Variants in RNGTT observed in about 807,000 individuals in gnomAD.
RNGTT encodes the protein RNA guanylyltransferase and 5'-phosphatase.
A neutral mutation model predicts 79.3 loss-of-function variants in RNGTT; 33 were observed. The ratio of observed to expected loss-of-function variants is 0.42; its 90% CI spans 0.32 to 0.56. The LOEUF is 0.56. RNGTT is among the 20% of genes least tolerant of loss of function. RNGTT has a pLI of 0.17. For missense variants in RNGTT, 497 were observed against 739.1 expected (o/e 0.67, Z 3.80); for synonymous variants, 222 against 235.9 (o/e 0.94, Z 0.54).
intron 14 of RNGTT, among the ~76,000 whole-genome samples, chr6:88,667,254 T>G (rs1306587964): frequency 6.6e-6 from 1 of 152,110 alleles, no homozygotes; most frequent in Non-Finnish European, 1.5e-5. Flanking sequence ...GAAGGATGGA[T>G]CTGGTTACCA....
At chr6:88,721,445 C>CCT (rs34721660) in intron 13 of RNGTT, among the ~76,000 whole-genome samples, 40,693 of 151,848 alleles carry the variant, frequency 0.27, 9,546 homozygotes, top group African/African-American at 0.64. Flanking sequence ...CCAAATTCAT[C>CCT]CTCTTTTTTT....
chr6:88,830,110 C>G (rs1780804828), intron 11 of RNGTT, among the ~76,000 whole-genome samples: 1 of 152,174 alleles, frequency 6.6e-6, no homozygotes, highest in South Asian at 2.1e-4. Flanking sequence ...CACCACATCA[C>G]ACTTATTCTA....
At chr6:88,668,456 T>C (rs181930054) in intron 14 of RNGTT, among the ~76,000 whole-genome samples, 94 of 152,324 alleles carry the variant, frequency 6.2e-4, no homozygotes, top group African/African-American at 2.2e-3. Flanking sequence ...TTTGGACTTG[T>C]TCAATAAGAA....
intron 10 of RNGTT, among the ~76,000 whole-genome samples, chr6:88,847,123 C>T (rs192638994): frequency 7.9e-5 from 12 of 151,978 alleles, no homozygotes; most frequent in African/African-American, 2.2e-4. Context: ...CAAAATGTTA[C>T]GTTTTTAATG....
chr6:88,923,668 C>T (rs529569982), intron 4 of RNGTT, among the ~76,000 whole-genome samples: 14 of 152,236 alleles, frequency 9.2e-5, no homozygotes, highest in Non-Finnish European at 1.0e-4. Context: ...GACACAAACA[C>T]AAGGCCACTT....
chr6:88,721,347 T>A (rs1373798534), intron 13 of RNGTT, among the ~76,000 whole-genome samples: 3 of 152,122 alleles, frequency 2.0e-5, no homozygotes, highest in Non-Finnish European at 2.9e-5. Flanking sequence ...TGGTTGATGA[T>A]CCCAGCCTCT....
intron 6 of RNGTT, among the ~76,000 whole-genome samples, chr6:88,903,861 A>G (rs1783555384): frequency 6.6e-6 from 1 of 152,220 alleles, no homozygotes; most frequent in South Asian, 2.1e-4. Context: ...GTGTACAAGT[A>G]CAACCAATAC....
intron 12 of RNGTT, among the ~76,000 whole-genome samples, chr6:88,796,535 C>T (rs1439486932): frequency 1.3e-5 from 2 of 152,162 alleles, no homozygotes; most frequent in Non-Finnish European, 2.9e-5. Flanking sequence ...ACAGACTTCA[C>T]TGATTGTTTG....
At chr6:88,890,703 A>G in intron 7 of RNGTT, 107 bp from the exon 8 acceptor site, 1 of 606,590 alleles carries the variant, frequency 1.6e-6, no homozygotes, top group Admixed American at 3.4e-5. Flanking sequence ...TGTTCTCCCT[A>G]TGATGAGATT....
chr6:88,822,408 T>C (rs1321154531), intron 11 of RNGTT, among the ~76,000 whole-genome samples: 4 of 152,196 alleles, frequency 2.6e-5, no homozygotes, highest in African/African-American at 4.8e-5. Flanking sequence ...TTAACAAAGG[T>C]GACGCATAAA....
chr6:88,926,520 C>T (rs1410119869), intron 4 of RNGTT, among the ~76,000 whole-genome samples: 2 of 152,156 alleles, frequency 1.3e-5, no homozygotes, highest in Non-Finnish European at 2.9e-5. Flanking sequence ...AAACAAGTAA[C>T]GTCTCTCCAT....
At chr6:88,859,421 A>G (rs1037532967) in intron 8 of RNGTT, among the ~76,000 whole-genome samples, 2 of 152,188 alleles carry the variant, frequency 1.3e-5, no homozygotes, top group African/African-American at 4.8e-5. Context: ...AACAAAATGA[A>G]AGAGGTCTGT....
At chr6:88,794,515 G>A (rs187485126) in intron 12 of RNGTT, among the ~76,000 whole-genome samples, 2 of 152,270 alleles carry the variant, frequency 1.3e-5, no homozygotes, top group African/African-American at 4.8e-5. Flanking sequence ...TGGGCTAAAC[G>A]CTATCCTAGA....
At chr6:88,918,657 G>C (rs529957371) in intron 4 of RNGTT, among the ~76,000 whole-genome samples, 1 of 152,210 alleles carries the variant, frequency 6.6e-6, no homozygotes, top group South Asian at 2.1e-4. Flanking sequence ...GAAATAAATA[G>C]CTATGACCAA....
chr6:88,769,496 T>C (rs749740695), intron 13 of RNGTT, among the ~76,000 whole-genome samples: 4 of 151,928 alleles, frequency 2.6e-5, no homozygotes, highest in African/African-American at 9.7e-5. Context: ...ACCTTTTATA[T>C]TGTTGTTATT....
At chr6:88,706,552 C>A (rs1043046817) in intron 13 of RNGTT, among the ~76,000 whole-genome samples, 1 of 151,956 alleles carries the variant, frequency 6.6e-6, no homozygotes, top group African/African-American at 2.4e-5. Context: ...GGGTTCCAAG[C>A]AGCAATCTGA....
intron 8 of RNGTT, among the ~76,000 whole-genome samples, chr6:88,866,833 T>C (rs1782182413): frequency 1.3e-5 from 2 of 152,218 alleles, no homozygotes; most frequent in Non-Finnish European, 2.9e-5. Context: ...GTTTTAAGTA[T>C]TTCCTTATGC....
chr6:88,943,401 G>A (rs958520274), intron 1 of RNGTT, among the ~76,000 whole-genome samples: 5 of 152,020 alleles, frequency 3.3e-5, no homozygotes, highest in East Asian at 1.9e-4. Context: ...AGCAAATCCC[G>A]TAGCTCCACC....
intron 13 of RNGTT, among the ~76,000 whole-genome samples, chr6:88,753,245 G>A (rs1357170914): frequency 3.3e-5 from 5 of 152,106 alleles, no homozygotes; most frequent in African/African-American, 1.2e-4. Flanking sequence ...AGGCACAGTG[G>A]CTCACACCTA....
Sources: gnomAD v4.1 joint callset for allele counts (sites outside exome capture counted in the v4.1 genomes callset) on GRCh38, gnomAD v4.1.1 for gene constraint, MANE v1.5 for transcripts, NCBI Gene and HGNC (gene_info 2026-07-23, HGNC 2026-07-21) for gene names.